Variants in SEMA6A observed in about 807,000 individuals in gnomAD.
SEMA6A encodes the protein semaphorin 6A.
Under a neutral mutation model 96.8 loss-of-function variants are expected in SEMA6A, and 25 were observed. That is an observed-to-expected ratio of 0.26 (90% CI 0.19 to 0.36). The LOEUF is 0.36. Ranked by LOEUF, SEMA6A falls within the 10% of genes least tolerant of loss-of-function variation. The probability of loss-of-function intolerance (pLI) is 1.00; values close to 1 mark genes in which losing one functional copy is unlikely to be tolerated. For missense variants in SEMA6A, 1,363 were observed against 1,323.1 expected (o/e 1.03, Z -0.47); for synonymous variants, 612 against 518.0 (o/e 1.18, Z -2.46).
rs1580505536 is a variant in SEMA6A, at chr5:116,550,094, T to G, written c.-39+24091A>C. On this transcript the variant is annotated intron_variant, in intron 1 of 18. Transcript: ENST00000343348. ...GACTGATGGTTAAAGAGTTAATTTT[T>G]TTAGAGGCACTTTAAATCACAGTCA... 2.6e-5 allele frequency: 4 copies of G among 152,348 alleles called. No homozygotes were observed. The South Asian group carries it at 8.3e-4, about 32-fold the overall frequency. 9.4% of individuals were successfully genotyped at this position (152,348 alleles called of 1,614,324 possible). A position where few individuals can be genotyped will look rare whatever the true frequency, so the allele number is the denominator to read the frequency against.
At chr5:116,554,135 A>G (rs1249631585) in intron 1 of SEMA6A, among the ~76,000 whole-genome samples, 3 of 152,218 alleles carry the variant, frequency 2.0e-5, no homozygotes, top group Non-Finnish European at 4.4e-5. Context: ...TAAACCATGC[A>G]TTGTAAAACT....
chr5:116,507,264 T>C (rs1296733407), intron 1 of SEMA6A, among the ~76,000 whole-genome samples: 1 of 152,246 alleles, frequency 6.6e-6, no homozygotes, highest in African/African-American at 2.4e-5. Context: ...TCTTGGTCAG[T>C]CCACATGAAC....
At chr5:116,476,625 A>G (rs1308937129) in intron 15 of SEMA6A, among the ~76,000 whole-genome samples, 3 of 152,200 alleles carry the variant, frequency 2.0e-5, no homozygotes, top group African/African-American at 7.2e-5. Flanking sequence ...CCTTAAGGAA[A>G]CTATTTTGGG....
chr5:116,570,859 T>C (rs1201322399), intron 1 of SEMA6A, among the ~76,000 whole-genome samples: 1 of 152,246 alleles, frequency 6.6e-6, no homozygotes, highest in African/African-American at 2.4e-5. Flanking sequence ...TAATACAAGT[T>C]CTTAATTTGG....
At chr5:116,572,346 C>T (rs1761253356) in intron 1 of SEMA6A, among the ~76,000 whole-genome samples, 1 of 152,236 alleles carries the variant, frequency 6.6e-6, no homozygotes, top group South Asian at 2.1e-4. Flanking sequence ...CTGGCCACCG[C>T]AGTTCCAAAG....
intron 5 of SEMA6A, 49 bp downstream of exon 5, chr5:116,496,201 CA>C: frequency 6.6e-7 from 1 of 1,506,650 alleles, no homozygotes; most frequent in Non-Finnish European, 9.2e-7. Flanking sequence ...AGATAACAGT[CA>C]AAAACTTAAC....
intron 18 of SEMA6A, among the ~76,000 whole-genome samples, chr5:116,451,307 C>A (rs1754617582): frequency 6.6e-6 from 1 of 152,166 alleles, no homozygotes; most frequent in African/African-American, 2.4e-5. Context: ...AGAGGGCTTC[C>A]AAGTGATAGT....
chr5:116,570,600 C>T (rs1761174021), intron 1 of SEMA6A, among the ~76,000 whole-genome samples: 3 of 152,336 alleles, frequency 2.0e-5, no homozygotes, highest in African/African-American at 7.2e-5. Context: ...ATTAGCTTAG[C>T]TTGTTCTGTG....
rs149577611 is a variant in SEMA6A at position 116,445,782 on chromosome 5, A to T, written c.*831T>A. On this transcript the variant is annotated 3_prime_UTR_variant, in exon 19 of 19. Transcript: ENST00000343348. ...CAGTGAATTTATTGTAAAAATAAAG[A>T]AACTCAATTATTCCAGTTAATGGAT... 2.0e-5 allele frequency: 3 copies of T among 152,790 alleles called. No individual in the cohort carries two copies. In the East Asian group the frequency reaches 5.8e-4, roughly 29 times the overall value. The allele number at this position is 152,790 out of a possible 1,614,324, so 9.5% of individuals were successfully genotyped here.
chr5:116,478,021 A>G lies in SEMA6A; in HGVS notation c.1561T>C (p.Cys521Arg), dbSNP rs1185647455. ...ATGAGGCAAAATACATACTTTTTAC[A>G]CTTCCCATGTCGTTCACACCGGCCA... The part of the protein sequence containing the change: ...PLGRCERHGK[C>R]KKTCIASRDP... The change falls in exon 14 of 19, where the codon TGT becomes CGT. Residue 521 changes from cysteine (C) to arginine (R), a missense_variant. By Grantham distance (180) the Cys-to-Arg change is radical. This residue lies in a region of SEMA6A where 883 missense variants were observed against 763.6 expected (regional missense o/e 1.16). Transcript: ENST00000343348. 6.2e-7 allele frequency: 1 copy of G among 1,613,772 alleles called. No homozygotes were observed. The highest frequency in any genetic ancestry group is 8.5e-7 in the Non-Finnish European group (1 of 1,179,860).
In SEMA6A at chr5:116,488,260, G is replaced by A. The variant is rs1757161057; in HGVS notation, c.656-64C>T. ...ACAGAGTTAACAGAATTTCAATCAAGTGTAGCCAAAGACATGTTATTAATT... is the reference window on the plus strand; with the variant it reads ...ACAGAGTTAACAGAATTTCAATCAAATGTAGCCAAAGACATGTTATTAATT... On this transcript the variant is annotated intron_variant, in intron 8 of 18. Coordinates refer to ENST00000343348, the MANE Select transcript of SEMA6A (RefSeq NM_020796.5). 2.8e-6 allele frequency: 3 copies of A among 1,089,106 alleles called. No homozygotes were observed. In the South Asian group the frequency reaches 4.1e-5, roughly 15 times the overall value. 67.5% of individuals were successfully genotyped at this position (1,089,106 alleles called of 1,614,324 possible).
chr5:116,461,411 G>A (rs1755388018), intron 18 of SEMA6A, among the ~76,000 whole-genome samples: 1 of 151,752 alleles, frequency 6.6e-6, no homozygotes, highest in Admixed American at 6.6e-5. Flanking sequence ...AAAAACGACT[G>A]CAATAGGATC....
chr5:116,530,017 T>C (rs1209271235), intron 1 of SEMA6A, among the ~76,000 whole-genome samples: 2 of 151,950 alleles, frequency 1.3e-5, no homozygotes, highest in Non-Finnish European at 2.9e-5. Flanking sequence ...AAAATAAAAA[T>C]AATGACAACA....
chr5:116,548,550 A>G (rs1163656146), intron 1 of SEMA6A, among the ~76,000 whole-genome samples: 1 of 152,166 alleles, frequency 6.6e-6, no homozygotes, highest in Non-Finnish European at 1.5e-5. Flanking sequence ...CATACCACGG[A>G]AAAGTTATTG....
intron 8 of SEMA6A, 142 bp downstream of exon 8, chr5:116,488,746 C>T (rs1757184964): frequency 1.8e-6 from 2 of 1,098,084 alleles, no homozygotes; most frequent in Non-Finnish European, 2.5e-6. Flanking sequence ...CAGTTGAAGC[C>T]AAAGATGCAA....
At chr5:116,477,813 AC>A (rs1206566808) in intron 15 of SEMA6A, 32 bp downstream of exon 15, 2 of 1,608,496 alleles carry the variant, frequency 1.2e-6, no homozygotes, top group Non-Finnish European at 1.7e-6. Flanking sequence ...GCTGGAAGCC[AC>A]TTCACCCTCT....
At chr5:116,468,033 C>T (rs1755881851) in intron 17 of SEMA6A, 1 of 374,626 alleles carries the variant, frequency 2.7e-6, no homozygotes, top group Admixed American at 4.3e-5. Context: ...TCCTGTGCAC[C>T]CAGTGGGGAT....
chr5:116,509,310 A>G (rs553107816), intron 1 of SEMA6A, among the ~76,000 whole-genome samples: 3 of 152,256 alleles, frequency 2.0e-5, no homozygotes, highest in South Asian at 2.1e-4. Context: ...TAGTGGCACT[A>G]TTTTTCCCTG....
At chr5:116,524,050 T>C (rs918452885) in intron 1 of SEMA6A, among the ~76,000 whole-genome samples, 3 of 152,180 alleles carry the variant, frequency 2.0e-5, no homozygotes, top group Non-Finnish European at 2.9e-5. Context: ...TTACAGAATA[T>C]AATTTAATCC....
Sources: gnomAD v4.1 joint callset for allele counts (sites outside exome capture counted in the v4.1 genomes callset) on GRCh38, gnomAD v4.1.1 for gene constraint, gnomAD v4.1.1 regional missense constraint, MANE v1.5 for transcripts, NCBI Gene and HGNC (gene_info 2026-07-23, HGNC 2026-07-21) for gene names.